Variants in CELF1 observed in about 807,000 individuals in gnomAD.
CELF1 encodes CUGBP Elav-like family member 1.
CELF1 carries 10 observed loss-of-function variants against 61.8 expected under a neutral mutation model. The ratio of observed to expected loss-of-function variants is 0.16; its 90% confidence interval spans 0.10 to 0.27. The LOEUF is 0.27. Ranked by LOEUF, CELF1 falls within the 10% of genes least tolerant of loss-of-function variation. The probability of loss-of-function intolerance (pLI) is 1.00; values close to 1 mark genes in which losing one functional copy is unlikely to be tolerated. For missense variants in CELF1, 380 were observed against 639.1 expected (o/e 0.59, Z 4.37); for synonymous variants, 236 against 225.1 (o/e 1.05, Z -0.43).
At chr11:47,557,998 T>A (rs926505856), upstream of CELF1, among the ~76,000 whole-genome samples, 1 of 152,042 alleles carries the variant, frequency 6.6e-6, no homozygotes, top group African/African-American at 2.4e-5. Context: ...TGGAATTACC[T>A]GTACCTGCCA....
chr11:47,515,859 C>T (rs548707595), intron 1 of CELF1, among the ~76,000 whole-genome samples: 3 of 152,268 alleles, frequency 2.0e-5, no homozygotes, highest in Admixed American at 6.5e-5. Context: ...AATAAGGCAG[C>T]TTGTAAAATG....
chr11:47,517,995 T>C (rs1434827776), intron 1 of CELF1, among the ~76,000 whole-genome samples: 1 of 152,142 alleles, frequency 6.6e-6, no homozygotes, highest in Non-Finnish European at 1.5e-5. Flanking sequence ...CAACCTAGCC[T>C]GCAGACACCG....
In CELF1 at chr11:47,471,630, A is replaced by G. The variant is rs1272507465; in HGVS notation, c.*600T>C. 11 of 152,222 alleles carry G rather than the reference A, an allele frequency of 7.2e-5. No individual in the cohort carries two copies. The highest frequency in any genetic ancestry group is 2.4e-4 in the African/African-American group (10 of 41,454). The allele number at this position is 152,222 out of a possible 1,614,324, so 9.4% of individuals were successfully genotyped here. A position where few individuals can be genotyped will look rare whatever the true frequency, so the allele number is the denominator to read the frequency against. Reference sequence around the variant, plus strand: ...ACAAGAATCTGAAAAATAGGTGTCAAAAACTATTTCCCAGAAGGTAGCTGT... The same window carrying G: ...ACAAGAATCTGAAAAATAGGTGTCAGAAACTATTTCCCAGAAGGTAGCTGT... On this transcript the variant is annotated 3_prime_UTR_variant, in exon 15 of 15. Coordinates refer to ENST00000687097, the MANE Select transcript of CELF1 (RefSeq NM_001376376.1).
intron 1 of CELF1, among the ~76,000 whole-genome samples, chr11:47,550,193 AG>A (rs2097101587): frequency 6.6e-6 from 1 of 152,100 alleles, no homozygotes; most frequent in African/African-American, 2.4e-5. Flanking sequence ...GTTCAAAACC[AG>A]CCTGGGCAAA....
At chr11:47,532,745 A>G (rs1169442348) in intron 1 of CELF1, among the ~76,000 whole-genome samples, 1 of 152,332 alleles carries the variant, frequency 6.6e-6, no homozygotes, top group East Asian at 1.9e-4. Flanking sequence ...TAGCATTTTC[A>G]GCCTATAGCT....
At chr11:47,506,379 A>G (rs1298967738) in intron 1 of CELF1, among the ~76,000 whole-genome samples, 1 of 142,240 alleles carries the variant, frequency 7.0e-6, no homozygotes, top group African/African-American at 2.5e-5. Flanking sequence ...CAGTGAGCCA[A>G]GATCGCGCCA....
At chr11:47,515,005 T>A (rs1196896398) in intron 1 of CELF1, 1 of 152,208 alleles carries the variant, frequency 6.6e-6, no homozygotes, top group African/African-American at 2.4e-5. Flanking sequence ...GGAGGAGGAA[T>A]CTAATTCTTT....
chr11:47,526,876 C>A (rs377753852), intron 1 of CELF1, among the ~76,000 whole-genome samples: 1 of 152,156 alleles, frequency 6.6e-6, no homozygotes, highest in Admixed American at 6.5e-5. Flanking sequence ...CAAGGTGAAA[C>A]CCTGTCTCTA....
intron 1 of CELF1, among the ~76,000 whole-genome samples, chr11:47,511,218 C>A (rs2095130416): frequency 6.6e-6 from 1 of 151,966 alleles, no homozygotes; most frequent in Middle Eastern, 3.2e-3. Context: ...TAACTACTAT[C>A]CAGATTAGAG....
At chr11:47,495,059 G>A (rs1044201281) in intron 3 of CELF1, among the ~76,000 whole-genome samples, 3 of 152,172 alleles carry the variant, frequency 2.0e-5, no homozygotes, top group Non-Finnish European at 4.4e-5. Context: ...CTGCGATACA[G>A]AATATTTTCA....
chr11:47,482,186 G>GTCTC (rs1477575793), intron 9 of CELF1, among the ~76,000 whole-genome samples: 1 of 147,134 alleles, frequency 6.8e-6, no homozygotes, highest in Non-Finnish European at 1.5e-5. Context: ...GGGTGACAGA[G>GTCTC]TGAGTGAGAC....
At chr11:47,557,088 C>T (rs1000760836), upstream of CELF1, among the ~76,000 whole-genome samples, 22 of 151,920 alleles carry the variant, frequency 1.4e-4, no homozygotes, top group Admixed American at 1.3e-4. Context: ...TTAGTAGAGT[C>T]GGGGTTTCCC....
At chr11:47,545,325 G>A (rs776585083) in intron 1 of CELF1, among the ~76,000 whole-genome samples, 3 of 152,154 alleles carry the variant, frequency 2.0e-5, no homozygotes, top group Non-Finnish European at 4.4e-5. Flanking sequence ...AGCTGCTTGA[G>A]AGGCTGAGGC....
In CELF1 at chr11:47,499,565, T is replaced by C; in HGVS notation, c.-42A>G. 3 of 1,457,250 alleles carry C rather than the reference T, an allele frequency of 2.1e-6. No homozygotes were observed. Among genetic ancestry groups the C allele is most frequent in the Non-Finnish European group, 2.8e-6 (3 of 1,075,316 alleles). 90.3% of individuals were successfully genotyped at this position (1,457,250 alleles called of 1,614,324 possible). ...TCAGAAGCCAATGATATTAACTTGC[T>C]GCACTTGTCTGATCCACAAATACAC... On this transcript the variant is annotated 5_prime_UTR_variant, in exon 3 of 15. Coordinates refer to ENST00000687097, the MANE Select transcript of CELF1 (RefSeq NM_001376376.1).
At chr11:47,502,399 T>C (rs999403896) in intron 1 of CELF1, among the ~76,000 whole-genome samples, 1 of 152,136 alleles carries the variant, frequency 6.6e-6, no homozygotes, top group Non-Finnish European at 1.5e-5. Context: ...AGAAAGAGGT[T>C]ATGAAGTTAA....
At chr11:47,542,685 A>G (rs551132737) in intron 1 of CELF1, among the ~76,000 whole-genome samples, 9 of 152,056 alleles carry the variant, frequency 5.9e-5, no homozygotes, top group Non-Finnish European at 1.2e-4. Context: ...TTCAGTAGAG[A>G]CAGTGTTTCA....
chr11:47,488,879 T>C lies in CELF1; in HGVS notation c.217A>G (p.Asn73Asp). 6.3e-7 allele frequency: 1 copy of C among 1,595,864 alleles called. No individual in the cohort carries two copies. The highest frequency in any genetic ancestry group is 8.5e-7 in the Non-Finnish European group (1 of 1,172,572). Residue 73 changes from asparagine (N) to aspartate (D), a missense_variant, in exon 4 of 15, where the codon AAC becomes GAC. Transcript: ENST00000687097. ...TTTTGGCTCCTATCCCTTAGGACGT[T>C]GATTTCATACACAGCACCATACTGT... ...FEQYGAVYEI[N>D]VLRDRSQNPP...
intron 1 of CELF1, among the ~76,000 whole-genome samples, chr11:47,530,791 C>T (rs2096443927): frequency 6.6e-6 from 1 of 151,812 alleles, no homozygotes; most frequent in East Asian, 1.9e-4. Context: ...CCTGTCTCTA[C>T]AAAAATGGAA....
chr11:47,560,413 A>G (rs903022762), intron 2 of CELF1, among the ~76,000 whole-genome samples: 3 of 152,176 alleles, frequency 2.0e-5, no homozygotes, highest in Non-Finnish European at 4.4e-5. Context: ...GACTGTCTCA[A>G]AAACAAAAAA....
Sources: allele counts gnomAD v4.1 joint callset (sites outside exome capture counted in the v4.1 genomes callset), GRCh38; gene constraint gnomAD v4.1.1; transcripts MANE v1.5; gene names NCBI Gene and HGNC (gene_info 2026-07-23, HGNC 2026-07-21).